CENPU: variants seen among roughly 807,000 people sequenced by gnomAD.
CENPU encodes the protein KSHV latent nuclear antigen interacting protein 1.
Under a neutral mutation model 56.7 loss-of-function variants are expected in CENPU, and 46 were observed. The observed-to-expected ratio is 0.81, with a 90% CI of 0.64 to 1.04. The LOEUF (loss-of-function observed/expected upper bound fraction) is 1.04. Ranked by LOEUF, CENPU falls within the 50% of genes least tolerant of loss-of-function variation. The pLI, the probability that CENPU is intolerant of heterozygous loss-of-function variation, is 0.00. For missense variants in CENPU, 510 were observed against 490.1 expected (o/e 1.04, Z -0.38); for synonymous variants, 166 against 163.0 (o/e 1.02, Z -0.14).
chr4:184,699,223 GGGAGGATGAGGCA>G (rs1760445768), intron 11 of CENPU, among the ~76,000 whole-genome samples: 1 of 152,140 alleles, frequency 6.6e-6, no homozygotes. Flanking sequence ...CCAACTATTC[GGGAGGATGAGGCA>G]GGAGAATAGC....
intron 4 of CENPU, among the ~76,000 whole-genome samples, chr4:184,721,385 T>G (rs1460387338): frequency 7.1e-6 from 1 of 140,502 alleles, no homozygotes. Context: ...CATGAGTAAG[T>G]CCCTGCTTAG....
chr4:184,704,369 T>C (rs7677893), intron 8 of CENPU, among the ~76,000 whole-genome samples: 54,430 of 152,020 alleles, frequency 0.36, 10,261 homozygotes, highest in East Asian at 0.7. Context: ...GCTACAATTA[T>C]CTACAGTACT....
rs769692198 is a variant in CENPU, at chr4:184,733,968, T to C, written c.47+48A>G. ...CAAACCACGGCAGGCGAGGAAGCAG[T>C]TCAAGCTGGTCTCCGGCCCCGCGCT... is the stretch of plus-strand genomic sequence containing the variant. On this transcript the variant is annotated intron_variant, in intron 1 of 12. Transcript: ENST00000281453. 3.1e-6 allele frequency: 5 copies of C among 1,610,616 alleles called. No individual in the cohort carries two copies. In the South Asian group the frequency reaches 5.5e-5, roughly 18 times the overall value.
At position 184,694,099 on chromosome 4, in the gene CENPU, T is replaced by C; in HGVS notation, c.*1189A>G. 1 of 415,006 alleles carries C rather than the reference T, an allele frequency of 2.4e-6. No homozygotes were observed. The allele number at this position is 415,006 out of a possible 1,614,324, so 25.7% of individuals were successfully genotyped here. A position where few individuals can be genotyped will look rare whatever the true frequency, so the allele number is the denominator to read the frequency against. ...ATCCAGTCATATTTTGGCAACTGTT[T>C]TTAATCTTTTTTCAATCCATGTTTA... On this transcript the variant is annotated 3_prime_UTR_variant, in exon 13 of 13. Coordinates refer to ENST00000281453, the MANE Select transcript of CENPU (RefSeq NM_024629.4).
chr4:184,708,460 GAATAAAAA>G (rs1177882138), intron 8 of CENPU, among the ~76,000 whole-genome samples: 1 of 150,414 alleles, frequency 6.6e-6, no homozygotes, highest in Non-Finnish European at 1.5e-5. Context: ...AGCAGCAATA[GAATAAAAA>G]AATAAAAAAT....
At chr4:184,733,483 C>CCAAA in intron 1 of CENPU, 2 of 902,644 alleles carry the variant, frequency 2.2e-6, no homozygotes, top group Non-Finnish European at 2.7e-6. Flanking sequence ...TTGCAACCGA[C>CCAAA]CAAACGCTCG....
intron 1 of CENPU, among the ~76,000 whole-genome samples, chr4:184,732,985 CAAAAA>C (rs56015944): frequency 1.8e-4 from 21 of 114,868 alleles, no homozygotes; most frequent in Admixed American, 1.7e-4. Context: ...GACTCCGTCT[CAAAAA>C]AAAAAAAAAA....
At chr4:184,719,389 C>A (rs1761197779) in intron 4 of CENPU, among the ~76,000 whole-genome samples, 1 of 152,210 alleles carries the variant, frequency 6.6e-6, no homozygotes, top group Non-Finnish European at 1.5e-5. Context: ...TCAGTGCTGT[C>A]CTGTAACAGT....
chr4:184,733,367 C>A (rs1761724229), intron 1 of CENPU: 1 of 989,040 alleles, frequency 1.0e-6, no homozygotes, highest in Non-Finnish European at 1.2e-6. Flanking sequence ...TGGCGTATGG[C>A]TTTGTGCACC....
chr4:184,732,366 C>G (rs116110054), intron 1 of CENPU, among the ~76,000 whole-genome samples: 6,167 of 152,224 alleles, frequency 0.041, 211 homozygotes, highest in Non-Finnish European at 0.063. Flanking sequence ...GTGTCTGATT[C>G]AGTCCCTCTG....
intron 7 of CENPU, chr4:184,710,398 C>G: frequency 5.5e-6 from 2 of 364,320 alleles, no homozygotes; most frequent in Non-Finnish European, 9.8e-6. Context: ...GCTGGTTCTC[C>G]TATTTCTGCT....
At position 184,695,369 on chromosome 4, in the gene CENPU, A is replaced by G. The variant is rs1760239768; in HGVS notation, c.1176T>C (p.Phe392=). Residue 392 remains phenylalanine, a synonymous_variant, in exon 13 of 13, where the codon TTT becomes TTC. Transcript: ENST00000281453. ...YDSSSLPALL[F]KARTLLGAES... ...CGGCTCCCAGAAGTGTTCTTGCTTT[A>G]AATAACAGAGCTGGAAGGCTGGATG... The G allele has an allele frequency of 6.2e-7, 1 of 1,613,156 alleles. No individual in the cohort carries two copies. Among genetic ancestry groups the G allele is most frequent in the South Asian group, 1.1e-5 (1 of 91,078 alleles).
At position 184,730,949 on chromosome 4, in the gene CENPU, T is replaced by G. The variant is rs763377653; in HGVS notation, c.67A>C (p.Thr23Pro). The change falls in exon 2 of 13, where the codon ACT becomes CCT. Residue 23 changes from threonine (T) to proline (P), a missense_variant. Transcript: ENST00000281453. Reference protein sequence around the residue: ...RSEGARRSKNTLERTHSMKDK... With the variant: ...RSEGARRSKNPLERTHSMKDK... ...TTCATGGAATGTGTTCTTTCTAAAG[T>G]GTTCTTTGAACGTCTTGCGCTATTA... 6.3e-7 allele frequency: 1 copy of G among 1,581,350 alleles called. No individual in the cohort carries two copies. Among genetic ancestry groups the G allele is most frequent in the South Asian group, 1.2e-5 (1 of 83,860 alleles).
chr4:184,712,837 C>T, intron 7 of CENPU, 107 bp downstream of exon 7: 1 of 742,114 alleles, frequency 1.3e-6, no homozygotes, highest in Non-Finnish European at 2.2e-6. Context: ...TTAAAAGTGG[C>T]AATTTTATGT....
chr4:184,717,084 CCAAT>C (rs1761119454), intron 5 of CENPU, 48 bp downstream of exon 5: 17 of 1,192,996 alleles, frequency 1.4e-5, no homozygotes, highest in Non-Finnish European at 2.1e-5. Flanking sequence ...GTACTTGCAT[CCAAT>C]CAAACTATAT....
intron 3 of CENPU, among the ~76,000 whole-genome samples, chr4:184,727,625 C>A (rs1172285829): frequency 6.6e-6 from 1 of 152,068 alleles, no homozygotes; most frequent in Non-Finnish European, 1.5e-5. Context: ...ATAGAATTAC[C>A]ATAGGACTCA....
chr4:184,731,877 T>C (rs1274514903), intron 1 of CENPU, among the ~76,000 whole-genome samples: 1 of 35,786 alleles, frequency 2.8e-5, no homozygotes, highest in African/African-American at 9.1e-5. Context: ...CCTTTACTCA[T>C]GTGCTCTGTG....
At chr4:184,714,108 C>CA in intron 6 of CENPU, among the ~76,000 whole-genome samples, 1 of 152,162 alleles carries the variant, frequency 6.6e-6, no homozygotes. Flanking sequence ...CAGAAGACAA[C>CA]AGAATGGTAT....
At position 184,717,353 on chromosome 4, in the gene CENPU, G is replaced by A. The variant is rs73874426; in HGVS notation, c.321-157C>T. 4.5e-3 allele frequency among the ~76,000 whole-genome samples: 686 copies of A among 152,278 alleles called. 3 individuals are homozygous for A. Among genetic ancestry groups the A allele is most frequent in the African/African-American group, 0.016 (663 of 41,544 alleles). ...CTGCCACCTTCCTGGGTTTACTGCT[G>A]CCTCCCACATCTTCCCATACCCAGG... On this transcript the variant is annotated intron_variant, in intron 4 of 12. Transcript: ENST00000281453.
Sources: allele counts gnomAD v4.1 joint callset (sites outside exome capture counted in the v4.1 genomes callset), GRCh38; gene constraint gnomAD v4.1.1; transcripts MANE v1.5; gene names NCBI Gene and HGNC (gene_info 2026-07-23, HGNC 2026-07-21).